The following NFIA variants were observed in gnomAD, a reference collection of about 807,000 sequenced individuals.
The protein encoded by NFIA is nuclear factor 1 A-type.
In NFIA, 8 loss-of-function variants were observed where a neutral mutation model predicts 62.8. The ratio of observed to expected loss-of-function variants is 0.13; its 90% CI spans 0.07 to 0.23. The LOEUF is 0.23. Among genes scored for constraint, NFIA ranks in the 10% least tolerant of loss-of-function variants. The pLI is 1.00. For missense variants in NFIA, 410 were observed against 642.1 expected (o/e 0.64, Z 3.91); for synonymous variants, 235 against 238.1 (o/e 0.99, Z 0.12).
intron 2 of NFIA, among the ~76,000 whole-genome samples, chr1:61,146,766 TCTG>T (rs1392599882): frequency 6.6e-6 from 1 of 152,220 alleles, no homozygotes; most frequent in Non-Finnish European, 1.5e-5. Context: ...AGGGACTACT[TCTG>T]CTGACCACAC....
chr1:61,372,357 C>T (rs987542197), intron 6 of NFIA, among the ~76,000 whole-genome samples: 11 of 151,956 alleles, frequency 7.2e-5, no homozygotes, highest in Non-Finnish European at 1.5e-4. Flanking sequence ...GATATGAAGA[C>T]AGTTAAGAAA....
chr1:61,081,640 A>G (rs1646096143), upstream of NFIA: 2 of 395,766 alleles, frequency 5.1e-6, no homozygotes, highest in South Asian at 5.5e-5. Flanking sequence ...GTTCAAACCC[A>G]CTAGTTTCAC....
chr1:61,382,822 A>C (rs1004621545), intron 6 of NFIA, among the ~76,000 whole-genome samples: 40 of 152,282 alleles, frequency 2.6e-4, no homozygotes, highest in African/African-American at 8.9e-4. Context: ...AAATATGGAG[A>C]AAGTGATTTG....
At chr1:61,116,594 A>T (rs1047303391) in intron 2 of NFIA, among the ~76,000 whole-genome samples, 2 of 151,978 alleles carry the variant, frequency 1.3e-5, no homozygotes, top group African/African-American at 4.8e-5. Flanking sequence ...TGTGCATCCC[A>T]CCCAAATAAA....
intron 9 of NFIA, among the ~76,000 whole-genome samples, chr1:61,422,173 G>T (rs1210756916): frequency 6.6e-6 from 1 of 152,144 alleles, no homozygotes; most frequent in Admixed American, 6.5e-5. Context: ...TGAAATACAA[G>T]AATCATTTGA....
In NFIA at chr1:61,239,957, G is replaced by C. The variant is rs535744057; in HGVS notation, c.560-37563G>C. Among the ~76,000 whole-genome samples, 2 of 152,034 alleles carry C rather than the reference G, an allele frequency of 1.3e-5. 1 individual carries two copies. Among genetic ancestry groups the C allele is most frequent in the South Asian group, 4.1e-4 (2 of 4,820 alleles). On this transcript the variant is annotated intron_variant, in intron 2 of 10. Transcript: ENST00000403491. ...TAAGTGAAGCAGAACGAGATCGATA[G>C]AGCAATTTATCAATGCATTCCAAAC... is the stretch of plus-strand genomic sequence containing the variant.
Position 61,445,204 on chromosome 1 carries a change from G to C in NFIA, c.1513-10099G>C, listed in dbSNP as rs138287077. 4.2e-3 allele frequency among the ~76,000 whole-genome samples: 644 copies of C among 152,224 alleles called. 2 individuals carry two copies. The highest frequency in any genetic ancestry group is 0.014 in the African/African-American group (592 of 41,538). ...CCAAGAAGCATAGATCCCTGACAGG[G>C]AAGCCAAGCAGCTCTGCCAATCACG... On this transcript the variant is annotated intron_variant, in intron 10 of 10. Transcript: ENST00000403491.
chr1:61,155,942 G>T (rs1025421464), intron 2 of NFIA, among the ~76,000 whole-genome samples: 1 of 152,092 alleles, frequency 6.6e-6, no homozygotes, highest in Non-Finnish European at 1.5e-5. Flanking sequence ...TTCGAGACCA[G>T]CCTGACCAAA....
chr1:61,097,673 T>C (rs138793297), intron 2 of NFIA, among the ~76,000 whole-genome samples: 14 of 152,316 alleles, frequency 9.2e-5, no homozygotes, highest in African/African-American at 3.1e-4. Flanking sequence ...TCACTTAATA[T>C]CAGAAATTCA....
intron 2 of NFIA, among the ~76,000 whole-genome samples, chr1:61,091,847 T>C (rs1444595275): frequency 6.6e-6 from 1 of 151,062 alleles, no homozygotes; most frequent in Admixed American, 6.6e-5. Context: ...TGGAGAGTTG[T>C]TGTTTTTTTT....
intron 2 of NFIA, among the ~76,000 whole-genome samples, chr1:61,159,738 G>A (rs539788682): frequency 2.3e-4 from 32 of 141,308 alleles, no homozygotes; most frequent in Admixed American, 6.0e-4. Flanking sequence ...CTGGAGTGCA[G>A]TGGCTCGATC....
intron 2 of NFIA, among the ~76,000 whole-genome samples, chr1:61,187,678 C>T (rs1651294040): frequency 6.6e-6 from 1 of 152,196 alleles, no homozygotes; most frequent in Non-Finnish European, 1.5e-5. Context: ...GTATTGATTG[C>T]CCACAACTTG....
At chr1:61,400,948 T>C (rs771745254) in intron 7 of NFIA, among the ~76,000 whole-genome samples, 8 of 152,220 alleles carry the variant, frequency 5.3e-5, no homozygotes, top group Non-Finnish European at 1.0e-4. Context: ...GATGACATCT[T>C]AATTCTGAGT....
At chr1:61,107,644 A>G (rs1027678760) in intron 2 of NFIA, among the ~76,000 whole-genome samples, 2 of 151,616 alleles carry the variant, frequency 1.3e-5, no homozygotes, top group African/African-American at 2.4e-5. Flanking sequence ...TCTTCATGTT[A>G]TCTTTGATCA....
intron 2 of NFIA, among the ~76,000 whole-genome samples, chr1:61,107,083 A>G (rs1646616047): frequency 6.6e-6 from 1 of 151,670 alleles, no homozygotes; most frequent in African/African-American, 2.4e-5. Flanking sequence ...TGATGGATCT[A>G]TAGAAGGTTT....
At chr1:61,331,610 A>G (rs901223277) in intron 3 of NFIA, among the ~76,000 whole-genome samples, 7 of 152,176 alleles carry the variant, frequency 4.6e-5, no homozygotes, top group African/African-American at 1.7e-4. Flanking sequence ...TAAAGCAGGG[A>G]AAGACTAAGC....
chr1:61,243,821 A>G (rs1003452533), intron 2 of NFIA, among the ~76,000 whole-genome samples: 1 of 152,218 alleles, frequency 6.6e-6, no homozygotes, highest in Non-Finnish European at 1.5e-5. Flanking sequence ...TTATATGAAA[A>G]AGCATAGTAC....
At chr1:61,390,466 T>C (rs914387560) in intron 7 of NFIA, among the ~76,000 whole-genome samples, 1 of 152,196 alleles carries the variant, frequency 6.6e-6, no homozygotes, top group African/African-American at 2.4e-5. Flanking sequence ...TTCCAGTTTC[T>C]GTTTGGAGAG....
At chr1:61,340,156 A>T (rs1661821405) in intron 4 of NFIA, among the ~76,000 whole-genome samples, 1 of 152,230 alleles carries the variant, frequency 6.6e-6, no homozygotes, top group South Asian at 2.1e-4. Flanking sequence ...TAAATTTACC[A>T]GACTATGAAT....
Sources: gnomAD v4.1 joint callset for allele counts (sites outside exome capture counted in the v4.1 genomes callset) on GRCh38, gnomAD v4.1.1 for gene constraint, MANE v1.5 for transcripts, NCBI Gene and HGNC (gene_info 2026-07-23, HGNC 2026-07-21) for gene names.